KLHL15: variants seen among roughly 807,000 people sequenced by gnomAD.
KLHL15 encodes kelch-like protein 15.
KLHL15 carries 1 observed loss-of-function variant against 29.3 expected under a neutral mutation model. The ratio of observed to expected loss-of-function variants is 0.03; its 90% CI spans 0.01 to 0.16. The LOEUF is 0.16. KLHL15 is among the 10% of genes least tolerant of loss of function. KLHL15 has a pLI of 1.00. For missense variants in KLHL15, 215 were observed against 478.5 expected (o/e 0.45, Z 5.14); for synonymous variants, 212 against 184.5 (o/e 1.15, Z -1.21).
chrX:24,023,662 A>G (rs1224998791), intron 2 of KLHL15, among the ~76,000 whole-genome samples: 2 of 112,296 alleles, frequency 1.8e-5, no homozygotes, highest in African/African-American at 6.5e-5. Flanking sequence ...AACCACAAAT[A>G]TTTACTATCC....
chrX:24,022,758 C>T (rs1481083716), intron 2 of KLHL15, among the ~76,000 whole-genome samples: 2 of 103,340 alleles, frequency 1.9e-5, no homozygotes, highest in South Asian at 9.0e-4. Flanking sequence ...TTGCTCTCGT[C>T]GCCCAGGCTG....
rs1338261833 is a variant in KLHL15, at chrX:24,008,039, G to C, written c.-7-1339C>G. ...AATATATACCAAAATAATGTCCCTG[G>C]GTAGTAGGTTTTCAGGAGAGGCTTT... On this transcript the variant is annotated intron_variant, in intron 2 of 3. Coordinates refer to ENST00000328046, the MANE Select transcript of KLHL15 (RefSeq NM_030624.3). Among the ~76,000 whole-genome samples the C allele has an allele frequency of 1.4e-4, 16 of 110,965 alleles. No homozygotes were observed. The Admixed American group carries it at 1.5e-3, about 11-fold the overall frequency.
At chrX:24,014,328 G>A (rs764302697) in intron 2 of KLHL15, among the ~76,000 whole-genome samples, 1 of 111,385 alleles carries the variant, frequency 9.0e-6, no homozygotes, top group Non-Finnish European at 1.9e-5. Flanking sequence ...AGAGTAAACT[G>A]CTTTGTGTTT....
chrX:24,006,788 T>C (rs766875529), intron 2 of KLHL15, 88 bp from the exon 3 acceptor site: 1 of 736,716 alleles, frequency 1.4e-6, no homozygotes, highest in African/African-American at 2.2e-5. Context: ...TTTTTGCTAT[T>C]ATCTCAATTC....
At chrX:24,013,042 T>C (rs771795654) in intron 2 of KLHL15, among the ~76,000 whole-genome samples, 15 of 111,907 alleles carry the variant, frequency 1.3e-4, no homozygotes, top group African/African-American at 4.9e-4. Context: ...GCAAAACAAC[T>C]TTACTAATAC....
intron 2 of KLHL15, among the ~76,000 whole-genome samples, chrX:24,017,707 G>C (rs1929716856): frequency 9.6e-6 from 1 of 104,355 alleles, no homozygotes; most frequent in African/African-American, 3.5e-5. Context: ...ACTGAGCCCG[G>C]GAGGCCGAGG....
In KLHL15 at chrX:24,024,859, C is replaced by CG; in HGVS notation, c.-11dup. ...GGCGGCCAGGGGCGGCTACGTACCT[C>CG]GGGGGGTCCTGTCCAGCCTCTAGTG... is the stretch of plus-strand genomic sequence containing the variant. On this transcript the variant is annotated 5_prime_UTR_variant, in exon 2 of 4. Coordinates refer to ENST00000328046, the MANE Select transcript of KLHL15 (RefSeq NM_030624.3). The CG allele has an allele frequency of 3.4e-6, 1 of 295,911 alleles. No individual in the cohort carries two copies. Among genetic ancestry groups the CG allele is most frequent in the East Asian group, 4.8e-5 (1 of 20,934 alleles). The allele number at this position is 295,911 out of a possible 1,213,427, so 24.4% of individuals were successfully genotyped here.
chrX:24,003,163 T>C (rs1255032061), intron 3 of KLHL15, among the ~76,000 whole-genome samples: 2 of 112,078 alleles, frequency 1.8e-5, no homozygotes, highest in African/African-American at 3.2e-5. Context: ...GCAGCTGCCC[T>C]GGCTTTCAGT....
intron 2 of KLHL15, among the ~76,000 whole-genome samples, chrX:24,020,997 A>G (rs1239561536): frequency 8.9e-6 from 1 of 111,963 alleles, no homozygotes; most frequent in Non-Finnish European, 1.9e-5. Flanking sequence ...CCATTCTTAC[A>G]TGTTTCAGTG....
rs1409437852 is a variant in KLHL15, at chrX:23,986,382, C to A, written c.*1539G>T. The A allele has an allele frequency of 8.9e-6, 1 of 112,194 alleles. No homozygotes were observed. Among genetic ancestry groups the A allele is most frequent in the East Asian group, 2.8e-4 (1 of 3,605 alleles). 9.2% of individuals were successfully genotyped at this position (112,194 alleles called of 1,213,427 possible). Reference sequence around the variant, plus strand: ...ATATAGAAGGCATTGCAATATTGCACCAATATTCTAAGATCTGGCAAGTTT... The same window carrying A: ...ATATAGAAGGCATTGCAATATTGCAACAATATTCTAAGATCTGGCAAGTTT... On this transcript the variant is annotated 3_prime_UTR_variant, in exon 4 of 4. Coordinates refer to ENST00000328046, the MANE Select transcript of KLHL15 (RefSeq NM_030624.3).
rs1420590497 is a variant in KLHL15, at chrX:23,984,972, A to G, written c.*2949T>C. On this transcript the variant is annotated 3_prime_UTR_variant, in exon 4 of 4. Coordinates refer to ENST00000328046, the MANE Select transcript of KLHL15 (RefSeq NM_030624.3). ...TGTCTCAAGAAAAGCTAATAATTCT[A>G]TTAGTTAAGCTTTGCTTTTTAAAAA... 2 of 112,473 alleles carry G rather than the reference A, an allele frequency of 1.8e-5. No homozygotes were observed. The highest frequency in any genetic ancestry group is 1.9e-4 in the Admixed American group (2 of 10,500). The allele number at this position is 112,473 out of a possible 1,213,427, so 9.3% of individuals were successfully genotyped here. A position where few individuals can be genotyped will look rare whatever the true frequency, so the allele number is the denominator to read the frequency against.
At chrX:24,010,486 A>G (rs1366002526) in intron 2 of KLHL15, among the ~76,000 whole-genome samples, 1 of 112,533 alleles carries the variant, frequency 8.9e-6, no homozygotes, top group African/African-American at 3.2e-5. Context: ...ACACTGAAGC[A>G]CTATCAAAGA....
intron 3 of KLHL15, among the ~76,000 whole-genome samples, chrX:23,989,624 CCA>C (rs1160586945): frequency 1.8e-5 from 2 of 111,381 alleles, no homozygotes; most frequent in Non-Finnish European, 3.8e-5. Flanking sequence ...GAAACCATAT[CCA>C]CAGTTTTCTT....
Position 23,985,497 on chromosome X carries a change from G to T in KLHL15, c.*2424C>A, listed in dbSNP as rs1305680561. On this transcript the variant is annotated 3_prime_UTR_variant, in exon 4 of 4. Coordinates refer to ENST00000328046, the MANE Select transcript of KLHL15 (RefSeq NM_030624.3). ...GTTTTCTCATACATTCAGAACCCAA[G>T]CAACAGCAACTATCCTTAAAGCTCA... 5.3e-5 allele frequency: 6 copies of T among 112,161 alleles called. No homozygotes were observed. The Admixed American group carries it at 5.7e-4, about 11-fold the overall frequency. 9.2% of individuals were successfully genotyped at this position (112,161 alleles called of 1,213,427 possible).
intron 2 of KLHL15, among the ~76,000 whole-genome samples, chrX:24,012,829 C>G (rs1602013184): frequency 9.0e-6 from 1 of 111,272 alleles, no homozygotes; most frequent in Admixed American, 9.7e-5. Flanking sequence ...GTCCCCTAAC[C>G]TACCTTTAAG....
chrX:24,009,872 C>T (rs748671382), intron 2 of KLHL15, among the ~76,000 whole-genome samples: 1 of 105,346 alleles, frequency 9.5e-6, no homozygotes, highest in East Asian at 3.0e-4. Flanking sequence ...CACATGTAAT[C>T]CCAGCTACTT....
At chrX:24,024,682 G>GA (rs34308888) in intron 2 of KLHL15, among the ~76,000 whole-genome samples, 175 bp downstream of exon 2, 22 of 111,859 alleles carry the variant, frequency 2.0e-4, no homozygotes, top group South Asian at 3.6e-4. Flanking sequence ...GCTCTCTCTG[G>GA]AAAAAAAAAT....
intron 1 of KLHL15, among the ~76,000 whole-genome samples, 195 bp from the exon 2 acceptor site, chrX:24,025,253 G>A (rs1348029668): frequency 1.8e-5 from 2 of 110,867 alleles, no homozygotes; most frequent in Middle Eastern, 4.2e-3. Flanking sequence ...AGAAGCACCA[G>A]CCGAGGAAGC....
chrX:24,015,963 C>T (rs1177992384), intron 2 of KLHL15, among the ~76,000 whole-genome samples: 2 of 110,461 alleles, frequency 1.8e-5, no homozygotes, highest in Non-Finnish European at 3.8e-5. Context: ...CGGGCCGCTG[C>T]ACTCCAGCCT....
Sources: gnomAD v4.1 joint callset for allele counts (sites outside exome capture counted in the v4.1 genomes callset) on GRCh38, gnomAD v4.1.1 for gene constraint, MANE v1.5 for transcripts, NCBI Gene and HGNC (gene_info 2026-07-23, HGNC 2026-07-21) for gene names.